The following HYDIN variants were observed in gnomAD, a reference collection of about 807,000 sequenced individuals.
HYDIN encodes the protein axonemal central pair apparatus protein HYDIN.
Under a neutral mutation model 403.9 loss-of-function variants are expected in HYDIN, and 132 were observed. The ratio of observed to expected loss-of-function variants is 0.33; its 90% confidence interval spans 0.28 to 0.38. HYDIN has a LOEUF of 0.38. HYDIN is among the 10% of genes least tolerant of loss of function. The pLI is 1.00. For missense variants in HYDIN, 2,827 were observed against 5,009.5 expected (o/e 0.56, Z 13.15); for synonymous variants, 1,202 against 1,891.7 (o/e 0.64, Z 9.46).
At chr16:71,161,685 T>C (rs2086007878) in intron 6 of HYDIN, among the ~76,000 whole-genome samples, 1 of 151,946 alleles carries the variant, frequency 6.6e-6, no homozygotes, top group Non-Finnish European at 1.5e-5. Flanking sequence ...ATCCAGTGAA[T>C]CCAGGATTAT....
In HYDIN at chr16:71,031,386, G is replaced by A. The variant is rs1284664775; in HGVS notation, c.2768+293C>T. ...ATCAAAGAGGAGAAATTACGGTTGAGAGTCTAAATTAATCACAGAGTAGCC... is the reference window on the plus strand; with the variant it reads ...ATCAAAGAGGAGAAATTACGGTTGAAAGTCTAAATTAATCACAGAGTAGCC... On this transcript the variant is annotated intron_variant, in intron 19 of 85. Coordinates refer to ENST00000393567, the MANE Select transcript of HYDIN (RefSeq NM_001270974.2). 49 of 1,202,570 alleles carry A rather than the reference G, an allele frequency of 4.1e-5. No individual in the cohort carries two copies. The East Asian group carries it at 1.9e-3, about 47-fold the overall frequency. The allele number at this position is 1,202,570 out of a possible 1,614,324, so 74.5% of individuals were successfully genotyped here.
chr16:71,049,668 T>C (rs568390584), intron 18 of HYDIN, among the ~76,000 whole-genome samples: 2 of 151,256 alleles, frequency 1.3e-5, no homozygotes, highest in Non-Finnish European at 2.9e-5. Context: ...CAAACTGAAA[T>C]TGATTAGAAA....
intron 73 of HYDIN, among the ~76,000 whole-genome samples, chr16:70,851,577 A>G (rs942885155): frequency 6.6e-6 from 1 of 150,830 alleles, no homozygotes; most frequent in Non-Finnish European, 1.5e-5. Flanking sequence ...AAAAAACAAC[A>G]GATCCTGGCG....
intron 45 of HYDIN, among the ~76,000 whole-genome samples, chr16:70,928,179 CAT>C (rs1392791481): frequency 2.0e-5 from 3 of 152,130 alleles, no homozygotes; most frequent in Admixed American, 6.5e-5. Context: ...AATTCAAATA[CAT>C]AACTACATTA....
chr16:70,999,104 T>A (rs917002), intron 23 of HYDIN, among the ~76,000 whole-genome samples: 1 of 152,156 alleles, frequency 6.6e-6, no homozygotes, highest in Non-Finnish European at 1.5e-5. Context: ...AGGAGATGAA[T>A]ACCATCTTTT....
intron 15 of HYDIN, among the ~76,000 whole-genome samples, chr16:71,066,104 T>C (rs1427443373): frequency 6.6e-6 from 1 of 151,894 alleles, no homozygotes; most frequent in East Asian, 1.9e-4. Flanking sequence ...ACTCATAGCC[T>C]CTTTAGACCT....
At chr16:71,195,089 C>G (rs564339495) in intron 1 of HYDIN, among the ~76,000 whole-genome samples, 9 of 152,124 alleles carry the variant, frequency 5.9e-5, no homozygotes, top group Non-Finnish European at 1.2e-4. Flanking sequence ...AATGTAAATA[C>G]CAGAAAGTGA....
At chr16:71,066,677 T>C in intron 15 of HYDIN, 1 of 357,548 alleles carries the variant, frequency 2.8e-6, no homozygotes, top group Non-Finnish European at 5.5e-6. Flanking sequence ...GCAATGACTG[T>C]AGCTTGGTCA....
Position 70,879,708 on chromosome 16 carries a change from A to T in HYDIN, c.10264T>A (p.Cys3422Ser), listed in dbSNP as rs1428406050. The T allele has an allele frequency of 7.0e-7, 1 of 1,421,508 alleles. No homozygotes were observed. Among genetic ancestry groups the T allele is most frequent in the Admixed American group, 1.7e-5 (1 of 58,576 alleles). 88.1% of individuals were successfully genotyped at this position (1,421,508 alleles called of 1,614,324 possible). A position where few individuals can be genotyped will look rare whatever the true frequency, so the allele number is the denominator to read the frequency against. Residue 3422 changes from cysteine to serine, a missense_variant, in exon 61 of 86, where the codon TGC (cysteine) becomes AGC (serine). By Grantham distance (112) the Cys-to-Ser change is moderately radical. Coordinates refer to ENST00000393567, the MANE Select transcript of HYDIN (RefSeq NM_001270974.2). ...AAGGCATGGGAATGACTGGCAATGC[A>T]CATCTTGCTGGGTTCCACTTCAAAA... ...DIFEVEPSKM[C>S]IASHSHAFAT...
At chr16:70,860,280 C>T (rs2039325743) in intron 70 of HYDIN, 74 bp from the exon 71 acceptor site, 1 of 1,537,492 alleles carries the variant, frequency 6.5e-7, no homozygotes, top group Admixed American at 1.9e-5. Flanking sequence ...TTCTTAGAAC[C>T]TGGCCCCAAC....
intron 60 of HYDIN, 24 bp from the exon 61 acceptor site, chr16:70,879,780 A>C: frequency 2.3e-6 from 2 of 857,752 alleles, no homozygotes; most frequent in South Asian, 3.0e-5. Flanking sequence ...CAGAGACCAG[A>C]GTGTGTCAGT....
intron 23 of HYDIN, among the ~76,000 whole-genome samples, chr16:71,015,882 T>A (rs2080241766): frequency 6.6e-6 from 1 of 150,630 alleles, no homozygotes; most frequent in Non-Finnish European, 1.5e-5. Flanking sequence ...ACAAAGCCCA[T>A]TAGTTCTGGT....
chr16:71,055,018 C>T (rs947059264), intron 18 of HYDIN, among the ~76,000 whole-genome samples: 1 of 152,304 alleles, frequency 6.6e-6, no homozygotes, highest in Non-Finnish European at 1.5e-5. Flanking sequence ...ATTTTCTGTA[C>T]TTCAGAAATA....
chr16:71,198,551 C>T (rs1229875105), intron 1 of HYDIN, among the ~76,000 whole-genome samples: 1 of 152,172 alleles, frequency 6.6e-6, no homozygotes, highest in African/African-American at 2.4e-5. Context: ...GGGCTCTGTT[C>T]TACTAGCCCC....
intron 55 of HYDIN, chr16:70,893,747 A>C (rs1358114529): frequency 1.3e-5 from 2 of 148,660 alleles, no homozygotes; most frequent in Admixed American, 6.7e-5. Context: ...CTGGTCTCCA[A>C]CTCCTGGGCT....
At chr16:71,030,785 T>C (rs1326169614) in intron 19 of HYDIN, among the ~76,000 whole-genome samples, 4 of 152,198 alleles carry the variant, frequency 2.6e-5, no homozygotes, top group South Asian at 4.1e-4. Context: ...GTGTCTATAC[T>C]GTACCACAGC....
intron 72 of HYDIN, 100 bp from the exon 73 acceptor site, chr16:70,855,375 C>T (rs1455254898): frequency 7.7e-6 from 5 of 646,512 alleles, no homozygotes; most frequent in South Asian, 4.0e-5. Context: ...GAAGACATTC[C>T]CCAACCTCTT....
Position 71,093,854 on chromosome 16 carries a change from A to G in HYDIN, c.1409T>C (p.Ile470Thr). 6.2e-7 allele frequency: 1 copy of G among 1,613,706 alleles called. No homozygotes were observed. Among genetic ancestry groups the G allele is most frequent in the African/African-American group, 1.3e-5 (1 of 75,030 alleles). The change falls in exon 11 of 86, where the codon ATT (isoleucine) becomes ACT (threonine). Residue 470 changes from isoleucine to threonine, a missense_variant. Physicochemically the swap from Ile to Thr is moderately conservative, Grantham distance 89. Transcript: ENST00000393567. ...KIHFNFELLD[I>T]GKVFTGSAHC... ...TGCAGATCCAGTGAAAACTTTCCCA[A>G]TATCCAGCAATTCAAAGTTGAAGTG...
intron 47 of HYDIN, among the ~76,000 whole-genome samples, chr16:70,916,251 T>C (rs978969895): frequency 3.3e-5 from 5 of 152,122 alleles, no homozygotes; most frequent in African/African-American, 4.8e-5. Flanking sequence ...GCTGTCCTCC[T>C]GAAAGATCCC....
Sources: allele counts gnomAD v4.1 joint callset (sites outside exome capture counted in the v4.1 genomes callset), GRCh38; gene constraint gnomAD v4.1.1; transcripts MANE v1.5; gene names NCBI Gene and HGNC (gene_info 2026-07-23, HGNC 2026-07-21).